Variants in RYR2 observed in about 807,000 individuals in gnomAD.
The protein encoded by RYR2 is cardiac muscle ryanodine receptor-calcium release channel.
A neutral mutation model predicts 601.1 loss-of-function variants in RYR2; 227 were observed. The observed-to-expected ratio is 0.38, with a 90% CI of 0.34 to 0.42. The LOEUF (loss-of-function observed/expected upper bound fraction) is 0.42, where lower values mean the gene tolerates loss of function less well. RYR2 is among the 10% of genes least tolerant of loss of function. The pLI, the probability that RYR2 is intolerant of heterozygous loss-of-function variation, is 1.00. For missense variants in RYR2, 4,646 were observed against 6,156.5 expected (o/e 0.75, Z 8.21); for synonymous variants, 2,223 against 2,175.1 (o/e 1.02, Z -0.61).
At chr1:237,075,590 C>T (rs1166014977) in intron 1 of RYR2, among the ~76,000 whole-genome samples, 1 of 50,976 alleles carries the variant, frequency 2.0e-5, no homozygotes, top group African/African-American at 7.2e-5. Context: ...CGGCGCACCA[C>T]GAGACTATAT....
At chr1:237,184,709 T>C (rs1344134085) in intron 1 of RYR2, among the ~76,000 whole-genome samples, 1 of 152,216 alleles carries the variant, frequency 6.6e-6, no homozygotes, top group Non-Finnish European at 1.5e-5. Context: ...TTTGTGTTCA[T>C]ACATTAATAT....
At chr1:237,167,785 G>A (rs945617439) in intron 1 of RYR2, among the ~76,000 whole-genome samples, 3 of 134,264 alleles carry the variant, frequency 2.2e-5, no homozygotes, top group Non-Finnish European at 4.6e-5. Context: ...TGCAGTGGCT[G>A]TTTACAGATA....
chr1:237,464,258 CA>C, intron 16 of RYR2, among the ~76,000 whole-genome samples: 1 of 152,212 alleles, frequency 6.6e-6, no homozygotes, highest in African/African-American at 2.4e-5. Flanking sequence ...TATTTGGTTA[CA>C]TTTTTTTGGA....
At chr1:237,729,159 T>C (rs1042915137) in intron 76 of RYR2, among the ~76,000 whole-genome samples, 2 of 152,136 alleles carry the variant, frequency 1.3e-5, no homozygotes, top group South Asian at 2.1e-4. Context: ...TGTGATGTCA[T>C]AGAGTTCTTC....
At chr1:237,805,412 C>G (rs1440425280) in intron 98 of RYR2, among the ~76,000 whole-genome samples, 1 of 151,854 alleles carries the variant, frequency 6.6e-6, no homozygotes. Context: ...AACCCCGTCT[C>G]TACTAAAAAT....
At chr1:237,538,305 G>T (rs1558990120) in intron 25 of RYR2, among the ~76,000 whole-genome samples, 1 of 142,502 alleles carries the variant, frequency 7.0e-6, no homozygotes, top group African/African-American at 2.6e-5. Context: ...TGAGGCAGGA[G>T]AATTGCTTGA....
At chr1:237,415,824 C>T (rs546920214) in intron 10 of RYR2, among the ~76,000 whole-genome samples, 1 of 152,142 alleles carries the variant, frequency 6.6e-6, no homozygotes, top group Non-Finnish European at 1.5e-5. Flanking sequence ...GAAGTTCAAA[C>T]ACAGACTAGA....
intron 17 of RYR2, among the ~76,000 whole-genome samples, chr1:237,481,306 T>A (rs1401218573): frequency 6.6e-6 from 1 of 152,088 alleles, no homozygotes; most frequent in Non-Finnish European, 1.5e-5. Context: ...AGTTAAAAAA[T>A]AATTTACCAG....
At chr1:237,221,366 A>C (rs1194215542) in intron 1 of RYR2, among the ~76,000 whole-genome samples, 1 of 152,218 alleles carries the variant, frequency 6.6e-6, no homozygotes, top group Admixed American at 6.5e-5. Flanking sequence ...GCTTTAACTT[A>C]TGAAATGTGT....
chr1:237,192,186 A>C (rs1680037742), intron 1 of RYR2, among the ~76,000 whole-genome samples: 1 of 152,098 alleles, frequency 6.6e-6, no homozygotes, highest in South Asian at 2.1e-4. Context: ...AAAAAAAAAA[A>C]AAACATTTTC....
Position 237,119,556 on chromosome 1 carries a change from C to T in RYR2, c.48+76987C>T, listed in dbSNP as rs532130842. 3.9e-5 allele frequency among the ~76,000 whole-genome samples: 6 copies of T among 152,250 alleles called. No individual in the cohort carries two copies. The East Asian group carries it at 5.8e-4, about 15-fold the overall frequency. ...TATCCAGGTGCAGTGTCAGATGGGC[C>T]GTTCAGGTTCCTTGGGTCCATCTCT... On this transcript the variant is annotated intron_variant, in intron 1 of 104. Transcript: ENST00000366574.
intron 3 of RYR2, among the ~76,000 whole-genome samples, chr1:237,353,082 A>G (rs1698998484): frequency 6.6e-6 from 1 of 152,238 alleles, no homozygotes; most frequent in Non-Finnish European, 1.5e-5. Context: ...AAATGCAGAT[A>G]ATAAGATTAC....
intron 2 of RYR2, among the ~76,000 whole-genome samples, chr1:237,279,329 A>G (rs528263611): frequency 6.6e-6 from 1 of 152,330 alleles, no homozygotes; most frequent in East Asian, 1.9e-4. Context: ...AAGACTCTCT[A>G]TACTGCTGAG....
chr1:237,629,877 A>T (rs1680070685), intron 41 of RYR2, among the ~76,000 whole-genome samples: 1 of 152,178 alleles, frequency 6.6e-6, no homozygotes, highest in Non-Finnish European at 1.5e-5. Context: ...AAAAATTCAT[A>T]ATTGTTGCAC....
At chr1:237,644,144 A>G (rs758352592) in intron 48 of RYR2, among the ~76,000 whole-genome samples, 2 of 152,092 alleles carry the variant, frequency 1.3e-5, no homozygotes, top group East Asian at 1.9e-4. Flanking sequence ...CTTTCTTGTA[A>G]TGCTTTTCTA....
Position 237,674,093 on chromosome 1 carries a change from TAGG to T in RYR2, c.8596_8598del (p.Gly2866del), listed in dbSNP as rs794728836. ...CTGTGTTCTTGTCCTGACATACTCT[TAGG>T]AGGAGGAAACCATCCTCTGCTGGTG... On this transcript the variant is annotated splice_acceptor_variant and coding_sequence_variant, in exon 59 of 105. Transcript: ENST00000366574. LOFTEE classifies it high-confidence loss of function. 5.0e-6 allele frequency: 8 copies of T among 1,610,174 alleles called. No individual in the cohort carries two copies. The highest frequency in any genetic ancestry group is 1.7e-5 in the Admixed American group (1 of 59,950).
At chr1:237,644,235 GT>G (rs1681885924) in intron 48 of RYR2, among the ~76,000 whole-genome samples, 1 of 151,562 alleles carries the variant, frequency 6.6e-6, no homozygotes, top group Non-Finnish European at 1.5e-5. Context: ...TGTTTTTTTG[GT>G]TTTTTGTTTT....
intron 23 of RYR2, among the ~76,000 whole-genome samples, chr1:237,509,154 T>C (rs1285469761): frequency 6.6e-6 from 1 of 152,198 alleles, no homozygotes; most frequent in Non-Finnish European, 1.5e-5. Context: ...CTGGGCTTGA[T>C]GTACCTCTGG....
chr1:237,482,960 A>AT (rs1662281909), intron 17 of RYR2, among the ~76,000 whole-genome samples: 1 of 152,062 alleles, frequency 6.6e-6, no homozygotes, highest in African/African-American at 2.4e-5. Flanking sequence ...CCTTCACTGC[A>AT]TTTTTGACTC....
Sources: gnomAD v4.1 joint callset for allele counts (sites outside exome capture counted in the v4.1 genomes callset) on GRCh38, gnomAD v4.1.1 for gene constraint, MANE v1.5 for transcripts, NCBI Gene and HGNC (gene_info 2026-07-23, HGNC 2026-07-21) for gene names.